SLC12A1: variants seen among roughly 807,000 people sequenced by gnomAD.
SLC12A1 encodes the protein Na-K-2Cl cotransporter.
A neutral mutation model predicts 130.4 loss-of-function variants in SLC12A1; 89 were observed. That is an observed-to-expected ratio of 0.68 (90% CI 0.58 to 0.81). The LOEUF is 0.81. SLC12A1 is among the 40% of genes least tolerant of loss of function. The pLI is 0.00. For synonymous variants in SLC12A1, 499 were observed against 460.0 expected (o/e 1.08, Z -1.09); for missense variants, 1,310 against 1,336.4 (o/e 0.98, Z 0.31).
chr15:48,214,296 AT>A (rs1213821623), intron 2 of SLC12A1, among the ~76,000 whole-genome samples: 1 of 152,184 alleles, frequency 6.6e-6, no homozygotes, highest in Non-Finnish European at 1.5e-5. Context: ...AAAACAATTA[AT>A]TTTTTATTAT....
intron 16 of SLC12A1, among the ~76,000 whole-genome samples, chr15:48,257,848 T>A (rs987655796): frequency 6.6e-6 from 1 of 152,236 alleles, no homozygotes; most frequent in African/African-American, 2.4e-5. Flanking sequence ...GCCTCCTTGT[T>A]ACCTATGCAA....
chr15:48,255,111 A>G (rs953014200), intron 15 of SLC12A1, among the ~76,000 whole-genome samples: 1 of 152,022 alleles, frequency 6.6e-6, no homozygotes, highest in Non-Finnish European at 1.5e-5. Flanking sequence ...ACTGCACACT[A>G]TCTGTGTATA....
At chr15:48,237,042 G>A (rs2041448029) in intron 9 of SLC12A1, 6 of 702,308 alleles carry the variant, frequency 8.5e-6, no homozygotes, top group East Asian at 2.7e-5. Context: ...AGTCGAAGGA[G>A]GAGACAGACT....
At chr15:48,230,905 A>T (rs1276177321) in intron 7 of SLC12A1, among the ~76,000 whole-genome samples, 1 of 152,258 alleles carries the variant, frequency 6.6e-6, no homozygotes, top group Admixed American at 6.5e-5. Flanking sequence ...AAAAACTATC[A>T]TTCTCATCTG....
intron 25 of SLC12A1, among the ~76,000 whole-genome samples, chr15:48,300,201 C>T (rs1030504257): frequency 6.6e-6 from 1 of 151,664 alleles, no homozygotes; most frequent in African/African-American, 2.4e-5. Flanking sequence ...GGTGAGGTAG[C>T]GTGTGTGTGG....
At chr15:48,234,845 AC>A in intron 8 of SLC12A1, 31 bp from the exon 9 acceptor site, 1 of 1,609,398 alleles carries the variant, frequency 6.2e-7, no homozygotes, top group Non-Finnish European at 8.5e-7. Flanking sequence ...AAAAATGTCT[AC>A]ATCATAATTT....
At chr15:48,246,790 A>ACAG (rs1198727522) in intron 11 of SLC12A1, 119 bp from the exon 12 acceptor site, 5 of 816,546 alleles carry the variant, frequency 6.1e-6, no homozygotes, top group Non-Finnish European at 1.1e-5. Context: ...ACAAACAACA[A>ACAG]CAACAAGAAA....
chr15:48,278,073 T>C (rs2041972690), intron 20 of SLC12A1, among the ~76,000 whole-genome samples: 1 of 152,238 alleles, frequency 6.6e-6, no homozygotes. Context: ...TAACTCCCAC[T>C]CAGTGAGTAT....
intron 2 of SLC12A1, among the ~76,000 whole-genome samples, chr15:48,220,189 T>A (rs1397852727): frequency 1.6e-5 from 2 of 128,378 alleles, no homozygotes; most frequent in Non-Finnish European, 3.5e-5. Flanking sequence ...ATAGATAAAA[T>A]GAAGTACAGG....
intron 4 of SLC12A1, chr15:48,225,290 T>C (rs1051307395): frequency 6.6e-6 from 1 of 152,184 alleles, no homozygotes; most frequent in Non-Finnish European, 1.5e-5. Flanking sequence ...TTTGCTATAC[T>C]GTATGTAGTT....
At position 48,267,687 on chromosome 15, in the gene SLC12A1, C is replaced by T. The variant is rs199877869; in HGVS notation, c.2281C>T (p.Arg761Ter). 3.7e-6 allele frequency: 6 copies of T among 1,613,026 alleles called. No individual in the cohort carries two copies. The African/African-American group carries it at 4.0e-5, about 11-fold the overall frequency. The change falls in exon 18 of 27, where the codon CGA (arginine) becomes TGA (stop). Residue 761 changes from arginine (R) to a stop codon, truncating the protein, a stop_gained. Coordinates refer to ENST00000380993, the MANE Select transcript of SLC12A1 (RefSeq NM_000338.3). LOFTEE classifies it high-confidence loss of function. ...GGCAGACTGTTTCAGGGATGGTGTC[C>T]GAAGTCTTCTTCAGGTAAGGCTGCA... is the stretch of plus-strand genomic sequence containing the variant. ...VAADCFRDGV[R>*]SLLQASGLGR...
rs772299383 is a variant in SLC12A1 at position 48,269,747 on chromosome 15, C to T, written c.2385C>T (p.Asn795=). 32 of 1,594,986 alleles carry T rather than the reference C, an allele frequency of 2.0e-5. No individual in the cohort carries two copies. The highest frequency in any genetic ancestry group is 2.7e-5 in the Non-Finnish European group (31 of 1,163,192). ...WRKAPLTEIE[N]YVGIIHDAFD... is the part of the protein sequence containing the mutation. The stretch of plus-strand genomic sequence containing the variant: ...AAGCTCCCTTGACAGAGATTGAGAA[C>T]TACGTGGGAATCATACAGTAAGTGA... The change falls in exon 19 of 27, where the codon AAC becomes AAT. Residue 795 remains asparagine, a synonymous_variant. Coordinates refer to ENST00000380993, the MANE Select transcript of SLC12A1 (RefSeq NM_000338.3).
intron 2 of SLC12A1, among the ~76,000 whole-genome samples, chr15:48,214,556 C>T (rs1301596544): frequency 6.6e-6 from 1 of 151,878 alleles, no homozygotes; most frequent in Non-Finnish European, 1.5e-5. Flanking sequence ...TAATAACTTT[C>T]AAAACAAGAA....
chr15:48,258,157 C>T lies in SLC12A1; in HGVS notation c.2043-1043C>T, dbSNP rs567739996. On this transcript the variant is annotated intron_variant, in intron 16 of 26. Transcript: ENST00000380993. ...CGGGCGGATCACGAGGTCAGGAGAT[C>T]GAGACCATCCCGGCTAAAACGGTGA... Among the ~76,000 whole-genome samples, 3 of 72,006 alleles carry T rather than the reference C, an allele frequency of 4.2e-5. 1 individual carries two copies. The highest frequency in any genetic ancestry group is 3.7e-4 in the South Asian group (1 of 2,702). The allele number at this position is 72,006 out of a possible 152,430, so 47.2% of individuals were successfully genotyped here. A position where few individuals can be genotyped will look rare whatever the true frequency, so the allele number is the denominator to read the frequency against.
At chr15:48,268,637 G>C (rs2041859055) in intron 18 of SLC12A1, among the ~76,000 whole-genome samples, 1 of 152,158 alleles carries the variant, frequency 6.6e-6, no homozygotes, top group South Asian at 2.1e-4. Context: ...CGAAGTAGAT[G>C]CACGTACAGA....
At position 48,288,031 on chromosome 15, in the gene SLC12A1, C is replaced by T. The variant is rs1422441504; in HGVS notation, c.2630-12C>T. 6.2e-7 allele frequency: 1 copy of T among 1,605,944 alleles called. No homozygotes were observed. ...AAAGCAAACAGATGCATCAATTCCT[C>T]TTTCGTTTCAGATGGCAGCATTAAC... On this transcript the variant is annotated splice_polypyrimidine_tract_variant and intron_variant, in intron 21 of 26. Coordinates refer to ENST00000380993, the MANE Select transcript of SLC12A1 (RefSeq NM_000338.3).
Position 48,288,084 on chromosome 15 carries a change from T to C in SLC12A1, c.2671T>C (p.Phe891Leu), listed in dbSNP as rs1183823137. ...AAGCCAGTCGATGCATGTGGGAGAGTTCAACCAGAAACTGGTGGAAGCCAG... is the reference window on the plus strand; with the variant it reads ...AAGCCAGTCGATGCATGTGGGAGAGCTCAACCAGAAACTGGTGGAAGCCAG... ...NTSQSMHVGE[F>L]NQKLVEASTQ... Residue 891 changes from phenylalanine (F) to leucine (L), a missense_variant, in exon 22 of 27, where the codon TTC becomes CTC. By Grantham distance (22) the Phe-to-Leu change is conservative. Coordinates refer to ENST00000380993, the MANE Select transcript of SLC12A1 (RefSeq NM_000338.3). 6.2e-7 allele frequency: 1 copy of C among 1,610,362 alleles called. No homozygotes were observed. Among genetic ancestry groups the C allele is most frequent in the Non-Finnish European group, 8.5e-7 (1 of 1,178,420 alleles).
intron 6 of SLC12A1, 90 bp from the exon 7 acceptor site, chr15:48,230,302 TG>T: frequency 1.4e-6 from 1 of 737,124 alleles, no homozygotes; most frequent in South Asian, 1.6e-5. Flanking sequence ...CAGGTGTAAT[TG>T]TATAGTATCT....
At chr15:48,256,025 A>T (rs1388641395) in intron 16 of SLC12A1, 115 bp downstream of exon 16, 2 of 704,020 alleles carry the variant, frequency 2.8e-6, no homozygotes, top group Non-Finnish European at 5.0e-6. Flanking sequence ...TCTAAAAATA[A>T]GCAGTCATAC....
Sources: gnomAD v4.1 joint callset for allele counts (sites outside exome capture counted in the v4.1 genomes callset) on GRCh38, gnomAD v4.1.1 for gene constraint, MANE v1.5 for transcripts, NCBI Gene and HGNC (gene_info 2026-07-23, HGNC 2026-07-21) for gene names.